SPON1: variants seen among roughly 807,000 people sequenced by gnomAD.
SPON1 encodes spondin 1.
A neutral mutation model predicts 111.7 loss-of-function variants in SPON1; 52 were observed. The observed-to-expected ratio is 0.47, with a 90% CI of 0.37 to 0.59. The LOEUF (loss-of-function observed/expected upper bound fraction) is 0.59. Ranked by LOEUF, SPON1 falls within the 20% of genes least tolerant of loss-of-function variation. SPON1 has a pLI of 0.00. For missense variants in SPON1, 957 were observed against 1,068.5 expected, an observed-to-expected ratio of 0.90 and a Z score of 1.46; for synonymous variants, 410 against 395.8, an observed-to-expected ratio of 1.04 and a Z score of -0.43.
At chr11:14,105,194 T>A (rs1185066242) in intron 5 of SPON1, among the ~76,000 whole-genome samples, 2 of 152,122 alleles carry the variant, frequency 1.3e-5, no homozygotes, top group Non-Finnish European at 2.9e-5. Flanking sequence ...TGTTTGCTCA[T>A]TCATTCCATA....
chr11:14,019,230 C>G (rs1289907075), intron 2 of SPON1, among the ~76,000 whole-genome samples: 1 of 152,100 alleles, frequency 6.6e-6, no homozygotes, highest in African/African-American at 2.4e-5. Flanking sequence ...GACTTATGAC[C>G]ATGGGTAAGT....
At chr11:14,115,578 G>A (rs1849260603) in intron 5 of SPON1, among the ~76,000 whole-genome samples, 2 of 152,274 alleles carry the variant, frequency 1.3e-5, no homozygotes, top group East Asian at 1.9e-4. Flanking sequence ...ATTCATCCAT[G>A]TGGTTGCATA....
rs1471926404 is a variant in SPON1 at position 14,262,722 on chromosome 11, T to C, written c.2007T>C (p.Cys669=). 3 of 1,613,854 alleles carry C rather than the reference T, an allele frequency of 1.9e-6. No individual in the cohort carries two copies. The highest frequency in any genetic ancestry group is 1.1e-5 in the South Asian group (1 of 91,052). Residue 669 remains cysteine, a synonymous_variant, in exon 15 of 16, where the codon TGT becomes TGC. Coordinates refer to ENST00000576479, the MANE Select transcript of SPON1 (RefSeq NM_006108.4). Reference sequence around the variant, plus strand: ...TCTGTGTCTTGCCAGCCATTGACTGTGAGCTCACCGAGTGGTCCCAGTGGT... The same window carrying C: ...TCTGTGTCTTGCCAGCCATTGACTGCGAGCTCACCGAGTGGTCCCAGTGGT... ...KCMLPECPID[C]ELTEWSQWSE... is the part of the protein sequence containing the mutation.
intron 3 of SPON1, among the ~76,000 whole-genome samples, chr11:14,067,483 T>C (rs1008770113): frequency 6.6e-6 from 1 of 152,240 alleles, no homozygotes; most frequent in Non-Finnish European, 1.5e-5. Flanking sequence ...TTTGTGATTC[T>C]TCTTGGCCTT....
At chr11:13,994,366 G>A (rs1554911528) in intron 2 of SPON1, among the ~76,000 whole-genome samples, 1 of 152,170 alleles carries the variant, frequency 6.6e-6, no homozygotes, top group East Asian at 1.9e-4. Context: ...GTTCCTAGAA[G>A]TATAATCACA....
At chr11:14,134,287 A>G (rs1847565333) in intron 5 of SPON1, among the ~76,000 whole-genome samples, 1 of 152,236 alleles carries the variant, frequency 6.6e-6, no homozygotes, top group Non-Finnish European at 1.5e-5. Flanking sequence ...CTTAGTCAAT[A>G]ATAAATGTAT....
chr11:14,044,819 TG>T (rs1554917676), intron 3 of SPON1, among the ~76,000 whole-genome samples: 1 of 152,244 alleles, frequency 6.6e-6, no homozygotes, highest in African/African-American at 2.4e-5. Flanking sequence ...TGAACTTGAA[TG>T]GTTTTTCACT....
Position 14,160,537 on chromosome 11 carries a change from ATATATATATT to A in SPON1, c.825+24979_825+24988del, listed in dbSNP as rs1199813518. Among the ~76,000 whole-genome samples the A allele has an allele frequency of 4.8e-3, 130 of 26,976 alleles. 9 individuals carry two copies. The highest frequency in any genetic ancestry group is 0.02 in the African/African-American group (99 of 4,890). 17.7% of individuals were successfully genotyped at this position (26,976 alleles called of 152,430 possible). On this transcript the variant is annotated intron_variant, in intron 6 of 15. Transcript: ENST00000576479. The stretch of plus-strand genomic sequence containing the variant: ...TATATATATTTACATATATATATTT[ATATATATATT>A]TATATATATATTTATATATATATTT...
intron 3 of SPON1, among the ~76,000 whole-genome samples, chr11:14,045,375 G>A (rs371510132): frequency 6.6e-6 from 1 of 151,974 alleles, no homozygotes; most frequent in South Asian, 2.1e-4. Flanking sequence ...TCGGGAGTTC[G>A]AGACCAGCCT....
chr11:14,168,583 A>T (rs1479019105), intron 6 of SPON1, among the ~76,000 whole-genome samples: 1 of 152,002 alleles, frequency 6.6e-6, no homozygotes, highest in African/African-American at 2.4e-5. Context: ...TACATGAGCC[A>T]TGTTGGTGTG....
intron 6 of SPON1, among the ~76,000 whole-genome samples, chr11:14,194,101 C>T (rs1554934822): frequency 1.3e-5 from 2 of 152,228 alleles, no homozygotes; most frequent in African/African-American, 4.8e-5. Flanking sequence ...CTGTGCCCAG[C>T]ACAGGCCAGT....
At chr11:14,086,958 T>C (rs565296027) in intron 5 of SPON1, among the ~76,000 whole-genome samples, 21 of 152,236 alleles carry the variant, frequency 1.4e-4, no homozygotes, top group Non-Finnish European at 2.5e-4. Flanking sequence ...TATTCTCTGA[T>C]GGGAGTCTGT....
chr11:14,030,896 A>G (rs2133808371), intron 2 of SPON1, among the ~76,000 whole-genome samples: 1 of 152,376 alleles, frequency 6.6e-6, no homozygotes, highest in South Asian at 2.1e-4. Context: ...CAAAAAAGAC[A>G]TAAGCACTCA....
intron 3 of SPON1, among the ~76,000 whole-genome samples, chr11:14,051,063 G>T (rs1189231616): frequency 6.6e-6 from 1 of 152,186 alleles, no homozygotes; most frequent in Non-Finnish European, 1.5e-5. Context: ...GAGTTGTGCT[G>T]AGAGGATGTG....
At chr11:14,136,958 T>G (rs782164910) in intron 6 of SPON1, among the ~76,000 whole-genome samples, 4 of 152,184 alleles carry the variant, frequency 2.6e-5, no homozygotes, top group Non-Finnish European at 4.4e-5. Context: ...AGGTTCACAT[T>G]CCCAGTTCTC....
chr11:14,204,461 A>T (rs556360218), intron 6 of SPON1, among the ~76,000 whole-genome samples: 19 of 150,906 alleles, frequency 1.3e-4, no homozygotes, highest in East Asian at 3.9e-4. Context: ...TTTATTTTTT[A>T]ATTTTTTGTA....
At chr11:14,133,133 C>T (rs2133859666) in intron 5 of SPON1, among the ~76,000 whole-genome samples, 1 of 152,296 alleles carries the variant, frequency 6.6e-6, no homozygotes, top group Middle Eastern at 3.4e-3. Flanking sequence ...CTGCCTTAGC[C>T]TAGCAGGTGT....
chr11:13,985,659 G>C (rs1188378535), intron 2 of SPON1, among the ~76,000 whole-genome samples: 1 of 151,722 alleles, frequency 6.6e-6, no homozygotes, highest in African/African-American at 2.4e-5. Context: ...ATATGCATTA[G>C]CCTTTTCTTT....
At chr11:14,120,106 G>C (rs1849294148) in intron 5 of SPON1, among the ~76,000 whole-genome samples, 1 of 152,126 alleles carries the variant, frequency 6.6e-6, no homozygotes, top group Non-Finnish European at 1.5e-5. Context: ...TACTAGCTGG[G>C]TGGCCCTGGG....
Sources: allele counts gnomAD v4.1 joint callset (sites outside exome capture counted in the v4.1 genomes callset), GRCh38; gene constraint gnomAD v4.1.1; transcripts MANE v1.5; gene names NCBI Gene and HGNC (gene_info 2026-07-23, HGNC 2026-07-21).